LARP4B: variants seen among roughly 807,000 people sequenced by gnomAD.
LARP4B encodes the protein La ribonucleoprotein 4B.
LARP4B carries 12 observed loss-of-function variants against 89.8 expected under a neutral mutation model. The ratio of observed to expected loss-of-function variants is 0.13; its 90% CI spans 0.09 to 0.22. The LOEUF is 0.22. LARP4B is among the 10% of genes least tolerant of loss of function. The pLI, the probability that LARP4B is intolerant of heterozygous loss-of-function variation, is 1.00. For synonymous variants in LARP4B, 367 were observed against 363.3 expected (o/e 1.01, Z -0.12); for missense variants, 757 against 947.7 (o/e 0.80, Z 2.64).
At chr10:986,599 G>A in the LARP4B span, 2 of 152,160 alleles carry the variant, frequency 1.3e-5, no homozygotes, top group African/African-American at 4.8e-5. Flanking sequence ...TTATAGCTCT[G>A]GGCCCATGAT....
chr10:866,733 CTT>C (rs1377178826), intron 3 of LARP4B, among the ~76,000 whole-genome samples: 4 of 152,322 alleles, frequency 2.6e-5, no homozygotes, highest in Non-Finnish European at 5.9e-5. Flanking sequence ...ACTACACGTG[CTT>C]TAAATTCCCA....
chr10:920,065 T>C (rs2132044511), intron 1 of LARP4B, among the ~76,000 whole-genome samples: 1 of 152,354 alleles, frequency 6.6e-6, no homozygotes, highest in South Asian at 2.1e-4. Flanking sequence ...CCTCAAAAAG[T>C]TAAAACACTT....
intron 3 of LARP4B, among the ~76,000 whole-genome samples, chr10:883,517 AT>A (rs1244954885): frequency 5.9e-5 from 9 of 152,156 alleles, no homozygotes; most frequent in Non-Finnish European, 1.0e-4. Context: ...TTTCAAAAAA[AT>A]AATAATAAAA....
At chr10:902,162 G>C (rs969505936) in intron 1 of LARP4B, among the ~76,000 whole-genome samples, 11 of 152,054 alleles carry the variant, frequency 7.2e-5, no homozygotes, top group Admixed American at 2.0e-4. Context: ...ACCGAAACTG[G>C]AGTTTAGATC....
At chr10:900,919 C>CTTTTTT (rs34586444) in intron 1 of LARP4B, among the ~76,000 whole-genome samples, 14 of 101,208 alleles carry the variant, frequency 1.4e-4, no homozygotes, top group African/African-American at 3.5e-4. Flanking sequence ...CGCCTGGCCT[C>CTTTTTT]TTTTTTTTTT....
chr10:911,472 G>A (rs1374319665), intron 1 of LARP4B, among the ~76,000 whole-genome samples: 2 of 152,140 alleles, frequency 1.3e-5, no homozygotes, highest in Non-Finnish European at 2.9e-5. Flanking sequence ...TGTCTTGTTG[G>A]TATGATTTTT....
At chr10:856,763 A>C (rs927438166) in intron 5 of LARP4B, among the ~76,000 whole-genome samples, 1 of 152,172 alleles carries the variant, frequency 6.6e-6, no homozygotes, top group African/African-American at 2.4e-5. Context: ...AGTAGGAGAA[A>C]AGTAACCGTT....
intron 8 of LARP4B, among the ~76,000 whole-genome samples, chr10:834,452 T>C (rs1833089637): frequency 6.6e-6 from 1 of 152,220 alleles, no homozygotes; most frequent in African/African-American, 2.4e-5. Context: ...CACTGACAAG[T>C]ACCTAGTGAC....
intron 1 of LARP4B, among the ~76,000 whole-genome samples, chr10:899,578 A>G (rs533908541): frequency 6.6e-6 from 1 of 152,324 alleles, no homozygotes; most frequent in South Asian, 2.1e-4. Context: ...ACATTCAAAT[A>G]TATGCAGTTT....
In LARP4B at chr10:822,389, T is replaced by C. The variant is rs1417525124; in HGVS notation, c.1485-1544A>G. ...CCCTCCGCCAAGGGCAGCCTGCTCG[T>C]CACTACCGGCTGGGACGCAGGGGCA... On this transcript the variant is annotated intron_variant, in intron 13 of 17. Coordinates refer to ENST00000316157, the MANE Select transcript of LARP4B (RefSeq NM_015155.3). The surrounding 1 kb of genome is among the most constrained non-coding windows in gnomAD (Gnocchi z 4.6). 2.0e-5 allele frequency among the ~76,000 whole-genome samples: 3 copies of C among 152,152 alleles called. No individual in the cohort carries two copies. Among genetic ancestry groups the C allele is most frequent in the African/African-American group, 7.2e-5 (3 of 41,438 alleles).
chr10:947,783 G>A, the LARP4B span, among the ~76,000 whole-genome samples: 13 of 152,052 alleles, frequency 8.5e-5, no homozygotes, highest in South Asian at 2.1e-4. Flanking sequence ...CACCACGCCC[G>A]GCTCATGTTT....
chr10:851,981 G>A (rs1271867059), intron 5 of LARP4B, among the ~76,000 whole-genome samples: 3 of 152,088 alleles, frequency 2.0e-5, no homozygotes, highest in Non-Finnish European at 4.4e-5. Flanking sequence ...CGGGAGAATC[G>A]CCTGAGACCG....
chr10:930,507 A>T (rs898073797), intron 1 of LARP4B, among the ~76,000 whole-genome samples: 1 of 152,230 alleles, frequency 6.6e-6, no homozygotes, highest in Non-Finnish European at 1.5e-5. Flanking sequence ...CCAAGTTTTA[A>T]GAACGTTTTA....
the LARP4B span, among the ~76,000 whole-genome samples, chr10:976,690 G>C: frequency 0.088 from 12,787 of 145,990 alleles, 687 homozygotes; most frequent in Middle Eastern, 0.12. Context: ...TGTGTGGCCC[G>C]GCCTAGTAGA....
intron 3 of LARP4B, among the ~76,000 whole-genome samples, chr10:869,301 A>G (rs139586726): frequency 1.3e-5 from 2 of 152,318 alleles, no homozygotes; most frequent in African/African-American, 4.8e-5. Flanking sequence ...TGCTTATCGA[A>G]TCAACTACAC....
the LARP4B span, among the ~76,000 whole-genome samples, chr10:959,391 TCATCAATCCACCTCCC>T: frequency 0.07 from 4,925 of 70,592 alleles, 965 homozygotes; most frequent in East Asian, 0.13. Context: ...TCCCACCTCC[TCATCAATCCACCTCCC>T]CATCAATCCA....
intron 3 of LARP4B, among the ~76,000 whole-genome samples, chr10:877,830 A>G (rs991515182): frequency 1.3e-5 from 2 of 152,172 alleles, no homozygotes; most frequent in Non-Finnish European, 2.9e-5. Context: ...AAACAAAACT[A>G]AACCCCAGAT....
In LARP4B at chr10:825,069, C is replaced by T; in HGVS notation, c.1480G>A (p.Gly494Arg). 4 of 1,613,204 alleles carry T rather than the reference C, an allele frequency of 2.5e-6. No individual in the cohort carries two copies. Among genetic ancestry groups the T allele is most frequent in the Non-Finnish European group, 3.4e-6 (4 of 1,179,250 alleles). ...AGTAACTGCTCAACAACTCACCTTCCCCTCCCTAAACCAGGAGAGGATTCG... is the reference window on the plus strand; with the variant it reads ...AGTAACTGCTCAACAACTCACCTTCTCCTCCCTAAACCAGGAGAGGATTCG... ...SLESSPGLGR[G>R]RKNSFGYRKK... is the part of the protein sequence containing the mutation. Residue 494 changes from glycine to arginine, a missense_variant, in exon 13 of 18, where the codon GGA (glycine) becomes AGA (arginine). Physicochemically the swap from Gly to Arg is moderately radical, Grantham distance 125. Transcript: ENST00000316157.
chr10:978,397 G>A, the LARP4B span, among the ~76,000 whole-genome samples: 351 of 152,130 alleles, frequency 2.3e-3, 4 homozygotes, highest in African/African-American at 7.9e-3. Context: ...AACATTTATT[G>A]TACTTATTAA....
Sources: gnomAD v4.1 joint callset for allele counts (sites outside exome capture counted in the v4.1 genomes callset) on GRCh38, gnomAD v4.1.1 for gene constraint, Gnocchi (gnomAD v3.1) non-coding constraint, MANE v1.5 for transcripts, NCBI Gene and HGNC (gene_info 2026-07-23, HGNC 2026-07-21) for gene names.